Variants in ADCYAP1 observed in about 807,000 individuals in gnomAD.
The protein encoded by ADCYAP1 is adenylate cyclase activating polypeptide 1.
In ADCYAP1, 6 loss-of-function variants were observed where a neutral mutation model predicts 18.5. The ratio of observed to expected loss-of-function variants is 0.32; its 90% CI spans 0.18 to 0.64. The LOEUF is 0.64. ADCYAP1 is among the 30% of genes least tolerant of loss of function. The probability of loss-of-function intolerance (pLI) is 0.77; values close to 1 mark genes in which losing one functional copy is unlikely to be tolerated. For missense variants in ADCYAP1, 314 were observed against 253.6 expected, an observed-to-expected ratio of 1.24 and a Z score of -1.62; for synonymous variants, 136 against 113.9, an observed-to-expected ratio of 1.19 and a Z score of -1.24.
Position 905,456 on chromosome 18 carries a change from A to T in ADCYAP1, c.70A>T (p.Ser24Cys). ...GATAATCATGCACAGCAGCGTCTAC[A>T]GCTCACCTGCCGCCGCCGGACTCCG... ...YGIIMHSSVY[S>C]SPAAAGLRFP... The change falls in exon 2 of 5, where the codon AGC becomes TGC. Residue 24 changes from serine (S) to cysteine (C), a missense_variant. Coordinates refer to ENST00000450565, the MANE Select transcript of ADCYAP1 (RefSeq NM_001099733.2). 6.2e-7 allele frequency: 1 copy of T among 1,611,296 alleles called. No individual in the cohort carries two copies. The highest frequency in any genetic ancestry group is 8.5e-7 in the Non-Finnish European group (1 of 1,179,996).
At chr18:907,135 G>A (rs1326176490) in intron 2 of ADCYAP1, among the ~76,000 whole-genome samples, 1 of 152,188 alleles carries the variant, frequency 6.6e-6, no homozygotes, top group Non-Finnish European at 1.5e-5. Flanking sequence ...ACCTACATCT[G>A]CTCGGAGAAG....
At position 905,025 on chromosome 18, in the gene ADCYAP1, C is replaced by T; in HGVS notation, c.-37C>T. On this transcript the variant is annotated 5_prime_UTR_variant, in exon 1 of 5. Transcript: ENST00000450565. Reference sequence around the variant, plus strand: ...AAGAAGCGCTTTGCCCGCCGTCCTACCTGGCAGCTCTCCTGGCAGCGGGAG... The same window carrying T: ...AAGAAGCGCTTTGCCCGCCGTCCTATCTGGCAGCTCTCCTGGCAGCGGGAG... 1 of 1,295,056 alleles carries T rather than the reference C, an allele frequency of 7.7e-7. No individual in the cohort carries two copies. Among genetic ancestry groups the T allele is most frequent in the Non-Finnish European group, 1.0e-6 (1 of 992,988 alleles). The allele number at this position is 1,295,056 out of a possible 1,614,324, so 80.2% of individuals were successfully genotyped here.
At chr18:904,578 C>T (rs902874493), upstream of ADCYAP1, 20 of 1,287,436 alleles carry the variant, frequency 1.6e-5, no homozygotes, top group Non-Finnish European at 2.0e-5. Flanking sequence ...CAGAGGCAGC[C>T]GGAGAGACCT....
chr18:908,119 G>A, intron 3 of ADCYAP1, 146 bp from the exon 4 acceptor site: 1 of 731,778 alleles, frequency 1.4e-6, no homozygotes, highest in Non-Finnish European at 2.2e-6. Flanking sequence ...ATCATCCCGG[G>A]AGTTATTGGC....
chr18:909,731 A>C lies in ADCYAP1; in HGVS notation c.*96A>C. On this transcript the variant is annotated 3_prime_UTR_variant, in exon 5 of 5. Transcript: ENST00000450565. ...CAGTCATCGCTCGTGTGTTCTATCC[A>C]AACATGTATTTATGTAATGAAGTAA... 2 of 1,098,140 alleles carry C rather than the reference A, an allele frequency of 1.8e-6. No homozygotes were observed. The highest frequency in any genetic ancestry group is 1.9e-5 in the South Asian group (1 of 51,590). 68.0% of individuals were successfully genotyped at this position (1,098,140 alleles called of 1,614,324 possible). A position where few individuals can be genotyped will look rare whatever the true frequency, so the allele number is the denominator to read the frequency against.
At position 909,455 on chromosome 18, in the gene ADCYAP1, C is replaced by T. The variant is rs755267180; in HGVS notation, c.351C>T (p.Leu117=). The T allele has an allele frequency of 3.1e-6, 5 of 1,611,552 alleles. No homozygotes were observed. Among genetic ancestry groups the T allele is most frequent in the Non-Finnish European group, 4.2e-6 (5 of 1,179,446 alleles). The change falls in exon 5 of 5, where the codon CTC becomes CTT. Residue 117 remains leucine, a synonymous_variant. Coordinates refer to ENST00000450565, the MANE Select transcript of ADCYAP1 (RefSeq NM_001099733.2). ...SLVARGVGGS[L]GGGAGDDAEP... is the part of the protein sequence containing the mutation. ...ACCCCTTTGCTTGCAGTGGGAGCCT[C>T]GGCGGCGGCGCGGGGGACGACGCGG...
At position 904,912 on chromosome 18, in the gene ADCYAP1, C is replaced by T. The variant is rs1241953056; in HGVS notation, c.-150C>T. Reference sequence around the variant, plus strand: ...CAAACGAGTCCCGCAGCTCCTCCTGCTGCTCCCGCTGGTTCCTGCGGCTTC... The same window carrying T: ...CAAACGAGTCCCGCAGCTCCTCCTGTTGCTCCCGCTGGTTCCTGCGGCTTC... On this transcript the variant is annotated 5_prime_UTR_variant, in exon 1 of 5. Coordinates refer to ENST00000450565, the MANE Select transcript of ADCYAP1 (RefSeq NM_001099733.2). 3.1e-6 allele frequency: 4 copies of T among 1,289,728 alleles called. No homozygotes were observed. The highest frequency in any genetic ancestry group is 2.0e-6 in the Non-Finnish European group (2 of 989,054). 79.9% of individuals were successfully genotyped at this position (1,289,728 alleles called of 1,614,324 possible). A position where few individuals can be genotyped will look rare whatever the true frequency, so the allele number is the denominator to read the frequency against.
chr18:909,325 C>CAGT, intron 4 of ADCYAP1, 121 bp from the exon 5 acceptor site: 1 of 922,568 alleles, frequency 1.1e-6, no homozygotes, highest in East Asian at 2.9e-5. Context: ...ACGCGGTGGG[C>CAGT]AGTGCGAGCC....
intron 1 of ADCYAP1, 161 bp downstream of exon 1, chr18:905,221 G>A: frequency 6.9e-7 from 1 of 1,451,872 alleles, no homozygotes; most frequent in Non-Finnish European, 9.0e-7. Flanking sequence ...ACTATAGCAA[G>A]CAAGAAGTGG....
At chr18:909,136 G>C (rs113902236) in intron 4 of ADCYAP1, among the ~76,000 whole-genome samples, 4 of 149,612 alleles carry the variant, frequency 2.7e-5, no homozygotes, top group African/African-American at 1.0e-4. Flanking sequence ...ACGAAGGGTC[G>C]GATCTCAAGG....
intron 2 of ADCYAP1, among the ~76,000 whole-genome samples, chr18:907,070 T>C (rs1022110310): frequency 6.6e-6 from 1 of 152,188 alleles, no homozygotes; most frequent in Non-Finnish European, 1.5e-5. Flanking sequence ...GCATTTATTA[T>C]TCATGTTCCT....
Position 908,361 on chromosome 18 carries a change from G to A in ADCYAP1, c.339G>A (p.Val113=), listed in dbSNP as rs750169852. The A allele has an allele frequency of 6.2e-7, 1 of 1,612,148 alleles. No individual in the cohort carries two copies. The change falls in exon 4 of 5, where the codon GTG becomes GTA. Residue 113 remains valine (V), a splice_region_variant and synonymous_variant. Coordinates refer to ENST00000450565, the MANE Select transcript of ADCYAP1 (RefSeq NM_001099733.2). The part of the protein sequence containing the change: ...KHLQSLVARG[V]GGSLGGGAGD... ...TGCAGTCGCTCGTGGCCCGGGGCGT[G>A]GGGTAAGAGTTTGTGGAAGGATTAA...
chr18:905,177 G>A (rs1567853020), intron 1 of ADCYAP1, 117 bp downstream of exon 1: 1 of 1,411,534 alleles, frequency 7.1e-7, no homozygotes, highest in Non-Finnish European at 9.2e-7. Flanking sequence ...GTTATTGGGC[G>A]CCGGGTAGAT....
intron 2 of ADCYAP1, 74 bp from the exon 3 acceptor site, chr18:907,585 C>A (rs1324550826): frequency 8.8e-6 from 13 of 1,474,600 alleles, no homozygotes; most frequent in Non-Finnish European, 1.2e-5. Flanking sequence ...CGCGCGAGCC[C>A]CTTACTTTGG....
upstream of ADCYAP1, chr18:904,522 C>T: frequency 1.6e-6 from 2 of 1,289,132 alleles, no homozygotes; most frequent in Non-Finnish European, 2.0e-6. Context: ...AGCAGAAGGC[C>T]GGTCACCTCT....
At chr18:905,620 G>C in intron 2 of ADCYAP1, 124 bp downstream of exon 2, 1 of 1,166,582 alleles carries the variant, frequency 8.6e-7, no homozygotes, top group Non-Finnish European at 1.2e-6. Context: ...CGCCCCCGGT[G>C]CGCCTCCGCC....
chr18:912,037 T>C lies in ADCYAP1; in HGVS notation c.*2402T>C, dbSNP rs1218093515. The C allele has an allele frequency of 2.0e-5, 3 of 152,216 alleles. No homozygotes were observed. Among genetic ancestry groups the C allele is most frequent in the African/African-American group, 7.2e-5 (3 of 41,446 alleles). 9.4% of individuals were successfully genotyped at this position (152,216 alleles called of 1,614,324 possible). Reference sequence around the variant, plus strand: ...TAGGTAGATGTTAGTCTTGAAGCTCTTATTTTGTGTGCAACTGATTATAAA... The same window carrying C: ...TAGGTAGATGTTAGTCTTGAAGCTCCTATTTTGTGTGCAACTGATTATAAA... On this transcript the variant is annotated 3_prime_UTR_variant, in exon 5 of 5. Coordinates refer to ENST00000450565, the MANE Select transcript of ADCYAP1 (RefSeq NM_001099733.2).
rs1909353126 is a variant in ADCYAP1 at position 910,572 on chromosome 18, C to T, written c.*937C>T. ...AGCCTGAGGTGGTAGGAGGAGGACC[C>T]TGGAAATGGACTGGTTTGAGATTGC... On this transcript the variant is annotated 3_prime_UTR_variant, in exon 5 of 5. Coordinates refer to ENST00000450565, the MANE Select transcript of ADCYAP1 (RefSeq NM_001099733.2). The T allele has an allele frequency of 6.6e-6, 1 of 152,274 alleles. No homozygotes were observed. The highest frequency in any genetic ancestry group is 2.4e-5 in the African/African-American group (1 of 41,468). 9.4% of individuals were successfully genotyped at this position (152,274 alleles called of 1,614,324 possible).
chr18:908,245 G>A lies in ADCYAP1; in HGVS notation c.243-20G>A, dbSNP rs748968090. 3.8e-6 allele frequency: 6 copies of A among 1,599,822 alleles called. No homozygotes were observed. The highest frequency in any genetic ancestry group is 2.2e-5 in the South Asian group (2 of 89,682). ...GGACAGAAACAGTGACCCTGGGCGCGCACTTTGCCTCCCCGTTAGAGATGT... is the reference window on the plus strand; with the variant it reads ...GGACAGAAACAGTGACCCTGGGCGCACACTTTGCCTCCCCGTTAGAGATGT... On this transcript the variant is annotated intron_variant, in intron 3 of 4. Transcript: ENST00000450565.
Sources: gnomAD v4.1 joint callset for allele counts (sites outside exome capture counted in the v4.1 genomes callset) on GRCh38, gnomAD v4.1.1 for gene constraint, MANE v1.5 for transcripts, NCBI Gene and HGNC (gene_info 2026-07-23, HGNC 2026-07-21) for gene names.